Variants in MEI4 observed in about 807,000 individuals in gnomAD.
MEI4 encodes the protein meiotic double-stranded break formation protein 4, also known as meiosis-specific protein MEI4.
A neutral mutation model predicts 31.4 loss-of-function variants in MEI4; 27 were observed. The observed-to-expected ratio is 0.86, with a 90% CI of 0.63 to 1.19. The LOEUF (loss-of-function observed/expected upper bound fraction) is 1.19. Ranked by LOEUF, MEI4 falls within the 50% of genes most tolerant of loss-of-function variation. The probability of loss-of-function intolerance (pLI) is 0.00; values close to 1 mark genes in which losing one functional copy is unlikely to be tolerated. For synonymous variants in MEI4, 122 were observed against 145.4 expected, an observed-to-expected ratio of 0.84 and a Z score of 1.16; for missense variants, 329 against 398.9, an observed-to-expected ratio of 0.82 and a Z score of 1.49.
chr6:77,785,304 A>T (rs534034954), intron 3 of MEI4, among the ~76,000 whole-genome samples: 2 of 152,296 alleles, frequency 1.3e-5, no homozygotes, highest in East Asian at 3.9e-4. Flanking sequence ...TAAAGGCCAC[A>T]TTTAGCATTA....
intron 2 of MEI4, among the ~76,000 whole-genome samples, chr6:77,731,777 CT>C (rs1202717882): frequency 2.0e-5 from 3 of 151,918 alleles, no homozygotes; most frequent in African/African-American, 7.3e-5. Flanking sequence ...ACATGTAAGT[CT>C]TTAAACCATC....
chr6:77,729,290 C>T (rs1424093267), intron 2 of MEI4, among the ~76,000 whole-genome samples: 2 of 152,152 alleles, frequency 1.3e-5, no homozygotes, highest in African/African-American at 2.4e-5. Context: ...TTAATTATAT[C>T]CTACTGCTCA....
chr6:77,673,988 T>C (rs1354366663), intron 1 of MEI4, among the ~76,000 whole-genome samples: 2 of 152,206 alleles, frequency 1.3e-5, no homozygotes, highest in South Asian at 2.1e-4. Flanking sequence ...TGGAAGCATT[T>C]AATGTTTGAT....
intron 2 of MEI4, among the ~76,000 whole-genome samples, chr6:77,709,182 AT>A (rs906482698): frequency 6.6e-6 from 1 of 152,150 alleles, no homozygotes; most frequent in African/African-American, 2.4e-5. Context: ...TATGTCAGCT[AT>A]TTTTTTGTGC....
chr6:77,730,546 C>A (rs1364617933), intron 2 of MEI4, among the ~76,000 whole-genome samples: 1 of 151,840 alleles, frequency 6.6e-6, no homozygotes, highest in Admixed American at 6.6e-5. Flanking sequence ...TCTTTCAGAG[C>A]AATTATTTTG....
intron 4 of MEI4, among the ~76,000 whole-genome samples, chr6:77,832,216 A>C (rs1397073699): frequency 6.6e-6 from 1 of 152,018 alleles, no homozygotes; most frequent in Admixed American, 6.6e-5. Context: ...GTTTTAGCTC[A>C]CTTTAAAGAC....
intron 2 of MEI4, among the ~76,000 whole-genome samples, chr6:77,735,111 C>G (rs1030778388): frequency 1.4e-4 from 22 of 151,930 alleles, no homozygotes; most frequent in Admixed American, 1.3e-3. Flanking sequence ...AATTATGTGT[C>G]TTGGAGTTGC....
At chr6:77,709,130 TAGG>T (rs1184747510) in intron 2 of MEI4, among the ~76,000 whole-genome samples, 3 of 152,222 alleles carry the variant, frequency 2.0e-5, no homozygotes, top group Non-Finnish European at 2.9e-5. Flanking sequence ...TTTCTCATAT[TAGG>T]AGAGAAATAT....
chr6:77,770,743 A>G (rs1247151503), intron 3 of MEI4, among the ~76,000 whole-genome samples: 2 of 152,176 alleles, frequency 1.3e-5, no homozygotes, highest in Non-Finnish European at 2.9e-5. Flanking sequence ...TAAACAAGCA[A>G]TGAGGAGAGG....
chr6:77,734,473 T>G (rs1413386555), intron 2 of MEI4, among the ~76,000 whole-genome samples: 1 of 152,082 alleles, frequency 6.6e-6, no homozygotes, highest in Non-Finnish European at 1.5e-5. Context: ...TGCCTTTTTT[T>G]GTTTTCCATT....
At chr6:77,732,561 T>A (rs1767035424) in intron 2 of MEI4, among the ~76,000 whole-genome samples, 1 of 152,050 alleles carries the variant, frequency 6.6e-6, no homozygotes, top group Non-Finnish European at 1.5e-5. Context: ...TATACAATCA[T>A]GTCATCTGCA....
intron 3 of MEI4, among the ~76,000 whole-genome samples, chr6:77,792,214 G>A (rs1188396169): frequency 6.6e-6 from 1 of 152,100 alleles, no homozygotes; most frequent in Admixed American, 6.5e-5. Context: ...GGACAATTAA[G>A]TTGATTCCAT....
At chr6:77,736,369 A>G (rs991200459) in intron 2 of MEI4, among the ~76,000 whole-genome samples, 1 of 152,028 alleles carries the variant, frequency 6.6e-6, no homozygotes, top group African/African-American at 2.4e-5. Flanking sequence ...GGAAAAGCGC[A>G]GTATTTGGGT....
In MEI4 at chr6:77,920,371, G is replaced by T. The variant is rs1766675221; in HGVS notation, c.901-2718G>T. Among the ~76,000 whole-genome samples, 3 of 151,842 alleles carry T rather than the reference G, an allele frequency of 2.0e-5. No individual in the cohort carries two copies. In the Admixed American group the frequency reaches 2.0e-4, roughly 10 times the overall value. On this transcript the variant is annotated intron_variant, in intron 4 of 4. Transcript: ENST00000684080. Reference sequence around the variant, plus strand: ...TACGCAAATCAATAAATGTAATACAGCATATAAACAGAGCCAAAGACAAAA... The same window carrying T: ...TACGCAAATCAATAAATGTAATACATCATATAAACAGAGCCAAAGACAAAA...
intron 4 of MEI4, among the ~76,000 whole-genome samples, chr6:77,894,436 C>T (rs1376018891): frequency 2.6e-5 from 4 of 151,898 alleles, no homozygotes; most frequent in Middle Eastern, 3.4e-3. Flanking sequence ...TATAAGAATA[C>T]GGAATACATA....
At chr6:77,682,584 C>G (rs938105963) in intron 1 of MEI4, among the ~76,000 whole-genome samples, 2 of 152,104 alleles carry the variant, frequency 1.3e-5, no homozygotes, top group Non-Finnish European at 2.9e-5. Flanking sequence ...GGCTATTTTC[C>G]TAGTATGTAA....
chr6:77,831,429 G>A (rs1177146927), intron 4 of MEI4, among the ~76,000 whole-genome samples: 2 of 151,298 alleles, frequency 1.3e-5, no homozygotes, highest in African/African-American at 4.8e-5. Context: ...GAGAGATACC[G>A]GCACTCACAT....
chr6:77,845,054 G>A (rs1770448932), intron 4 of MEI4, among the ~76,000 whole-genome samples: 1 of 152,132 alleles, frequency 6.6e-6, no homozygotes. Context: ...TGCCCTGTGA[G>A]TCTTTTTTTC....
At chr6:77,691,511 G>A (rs946750113) in intron 2 of MEI4, among the ~76,000 whole-genome samples, 1 of 152,060 alleles carries the variant, frequency 6.6e-6, no homozygotes, top group Admixed American at 6.6e-5. Context: ...GCAGGAGCGT[G>A]TGCAAAGGCA....
Sources: gnomAD v4.1 joint callset for allele counts (sites outside exome capture counted in the v4.1 genomes callset) on GRCh38, gnomAD v4.1.1 for gene constraint, MANE v1.5 for transcripts, NCBI Gene and HGNC (gene_info 2026-07-23, HGNC 2026-07-21) for gene names.